Variants in UGT2B10 observed in about 807,000 individuals in gnomAD.
The protein encoded by UGT2B10 is UDP-glucuronosyltransferase 2B10.
In UGT2B10, 51 loss-of-function variants were observed where a neutral mutation model predicts 43.7. The ratio of observed to expected loss-of-function variants is 1.17; its 90% CI spans 0.93 to 1.47. The LOEUF (loss-of-function observed/expected upper bound fraction) is 1.47. UGT2B10 is among the 40% of genes most tolerant of loss of function. UGT2B10 has a pLI of 0.00. For synonymous variants in UGT2B10, 225 were observed against 209.0 expected (o/e 1.08, Z -0.66); for missense variants, 696 against 617.7 (o/e 1.13, Z -1.34).
At chr4:68,821,448 A>G (rs551390126) in intron 2 of UGT2B10, among the ~76,000 whole-genome samples, 1 of 152,138 alleles carries the variant, frequency 6.6e-6, no homozygotes, top group Non-Finnish European at 1.5e-5. Context: ...AGTTCCTCAC[A>G]TGCAGTTAGA....
intron 2 of UGT2B10, among the ~76,000 whole-genome samples, chr4:68,819,658 G>A (rs556870137): frequency 4.6e-5 from 7 of 152,010 alleles, no homozygotes; most frequent in South Asian, 4.2e-4. Flanking sequence ...GGGGGAACTC[G>A]TCTTGACATC....
Position 68,816,231 on chromosome 4 carries a change from T to A in UGT2B10, c.212T>A (p.Leu71His), listed in dbSNP as rs367563045. 32 of 1,613,154 alleles carry A rather than the reference T, an allele frequency of 2.0e-5. No individual in the cohort carries two copies. Among genetic ancestry groups the A allele is most frequent in the Non-Finnish European group, 2.7e-5 (32 of 1,179,474 alleles). The change falls in exon 1 of 6, where the codon CTT (leucine) becomes CAT (histidine). Residue 71 changes from leucine to histidine, a missense_variant. By Grantham distance (99) the Leu-to-His change is moderately conservative. Coordinates refer to ENST00000265403, the MANE Select transcript of UGT2B10 (RefSeq NM_001075.6). ...TTTGATCCCAACGACTCATCCACTCTTAAACTTGAAGTTTATCCTACATCT... is the reference window on the plus strand; with the variant it reads ...TTTGATCCCAACGACTCATCCACTCATAAACTTGAAGTTTATCCTACATCT... ...ILFDPNDSST[L>H]KLEVYPTSLT... is the part of the protein sequence containing the mutation.
At position 68,816,131 on chromosome 4, in the gene UGT2B10, A is replaced by G. The variant is rs1479600225; in HGVS notation, c.112A>G (p.Met38Val). 1.9e-6 allele frequency: 3 copies of G among 1,613,190 alleles called. No homozygotes were observed. Reference sequence around the variant, plus strand: ...CGCAGAATACAGCCTTTGGATGAATATGAAGACAATCCTGAAAGAACTTGT... The same window carrying G: ...CGCAGAATACAGCCTTTGGATGAATGTGAAGACAATCCTGAAAGAACTTGT... ...WAAEYSLWMNMKTILKELVQR... is the reference protein window; with the variant it reads ...WAAEYSLWMNVKTILKELVQR... Residue 38 changes from methionine to valine, a missense_variant, in exon 1 of 6, where the codon ATG becomes GTG. Physicochemically the swap from Met to Val is conservative, Grantham distance 21. Transcript: ENST00000265403.
In UGT2B10 at chr4:68,826,497, G is replaced by T. The variant is rs761612483; in HGVS notation, c.1087G>T (p.Gly363Cys). 5.0e-6 allele frequency: 8 copies of T among 1,611,320 alleles called. No homozygotes were observed. Among genetic ancestry groups the T allele is most frequent in the Non-Finnish European group, 6.8e-6 (8 of 1,178,662 alleles). Residue 363 changes from glycine (G) to cysteine (C), a missense_variant and splice_region_variant, in exon 4 of 6, where the codon GGT becomes TGT. Transcript: ENST00000265403. ...GTGGATACCCCAGAATGACCTTCTA[G>T]GTAACACTCTGGTGAACAATACTGG... Reference protein sequence around the residue: ...YKWIPQNDLLGHPKTRAFITH... With the variant: ...YKWIPQNDLLCHPKTRAFITH...
At chr4:68,826,028 C>T (rs1303225999) in intron 3 of UGT2B10, among the ~76,000 whole-genome samples, 2 of 152,080 alleles carry the variant, frequency 1.3e-5, no homozygotes, top group African/African-American at 4.8e-5. Flanking sequence ...TAATAATGGC[C>T]ATTCTGACTG....
intron 4 of UGT2B10, 25 bp downstream of exon 4, chr4:68,826,522 G>C: frequency 6.3e-7 from 1 of 1,598,914 alleles, no homozygotes; most frequent in Non-Finnish European, 8.5e-7. Flanking sequence ...AACAATACTG[G>C]ATATATTAGT....
intron 1 of UGT2B10, among the ~76,000 whole-genome samples, chr4:68,817,818 C>T (rs1398540215): frequency 6.6e-6 from 1 of 151,668 alleles, no homozygotes; most frequent in African/African-American, 2.4e-5. Context: ...TCATAATTCT[C>T]CCACTACTTT....
intron 2 of UGT2B10, among the ~76,000 whole-genome samples, chr4:68,818,967 A>C (rs143857470): frequency 0.017 from 2,623 of 152,002 alleles, 155 homozygotes; most frequent in Admixed American, 0.1. Context: ...CAAGATATTC[A>C]ATGGATTAAA....
chr4:68,816,213 C>A lies in UGT2B10; in HGVS notation c.194C>A (p.Pro65His), dbSNP rs1737190356. ...LASSASILFDPNDSSTLKLEV... is the reference protein window; with the variant it reads ...LASSASILFDHNDSSTLKLEV... Reference sequence around the variant, plus strand: ...TCTTCAGCTTCCATTCTTTTTGATCCCAACGACTCATCCACTCTTAAACTT... The same window carrying A: ...TCTTCAGCTTCCATTCTTTTTGATCACAACGACTCATCCACTCTTAAACTT... The change falls in exon 1 of 6, where the codon CCC (proline) becomes CAC (histidine). Residue 65 changes from proline (P) to histidine (H), a missense_variant. By Grantham distance (77) the Pro-to-His change is moderately conservative. Transcript: ENST00000265403. 6.2e-7 allele frequency: 1 copy of A among 1,613,150 alleles called. No individual in the cohort carries two copies. Among genetic ancestry groups the A allele is most frequent in the Non-Finnish European group, 8.5e-7 (1 of 1,179,402 alleles).
rs4116823 is a variant in UGT2B10, at chr4:68,828,890, G to T, written c.1307+1342G>T. ...ATCCAGCCATAGTGGAAGTAAGGGA[G>T]GTTATAAATACTATTACTAAAATAT... On this transcript the variant is annotated intron_variant, in intron 5 of 5. Transcript: ENST00000265403. Among the ~76,000 whole-genome samples the T allele has an allele frequency of 6.6e-3, 996 of 151,840 alleles. 16 individuals carry two copies. The highest frequency in any genetic ancestry group is 0.023 in the African/African-American group (935 of 41,406).
At chr4:68,817,273 C>T (rs1737261396) in intron 1 of UGT2B10, among the ~76,000 whole-genome samples, 1 of 151,668 alleles carries the variant, frequency 6.6e-6, no homozygotes, top group Admixed American at 6.6e-5. Context: ...TTTGAAGTTT[C>T]AAATGTTTCT....
chr4:68,817,356 A>G (rs1469427170), intron 1 of UGT2B10, among the ~76,000 whole-genome samples: 4 of 151,818 alleles, frequency 2.6e-5, no homozygotes, highest in African/African-American at 9.7e-5. Context: ...GAAGGTTGTT[A>G]TATCTATATA....
At chr4:68,826,646 A>G (rs1560419594) in intron 4 of UGT2B10, 149 bp downstream of exon 4, 1 of 1,013,992 alleles carries the variant, frequency 9.9e-7, no homozygotes, top group Non-Finnish European at 1.4e-6. Context: ...GGGGAAAAGA[A>G]TATGTTATAA....
chr4:68,827,405 T>C lies in UGT2B10; in HGVS notation c.1164T>C (p.Pro388=). The C allele has an allele frequency of 6.2e-7, 1 of 1,613,498 alleles. No individual in the cohort carries two copies. The highest frequency in any genetic ancestry group is 8.5e-7 in the Non-Finnish European group (1 of 1,179,600). The change falls in exon 5 of 6, where the codon CCT becomes CCC. Residue 388 remains proline, a synonymous_variant. Transcript: ENST00000265403. ...ATGAGGCAATCTACCATGGGATCCC[T>C]ATGGTGGGCATTCCATTGTTTTTTG... ...GIYEAIYHGI[P]MVGIPLFFDQ...
chr4:68,829,768 G>A (rs767371658), intron 5 of UGT2B10, among the ~76,000 whole-genome samples: 1 of 152,054 alleles, frequency 6.6e-6, no homozygotes, highest in Non-Finnish European at 1.5e-5. Context: ...AAGAAAAATA[G>A]TAGGCCAATC....
At chr4:68,817,465 A>G (rs1737273374) in intron 1 of UGT2B10, among the ~76,000 whole-genome samples, 1 of 151,750 alleles carries the variant, frequency 6.6e-6, no homozygotes, top group Non-Finnish European at 1.5e-5. Flanking sequence ...TTCTAGCTAT[A>G]ATTTACAAAT....
chr4:68,819,001 G>T (rs1044669327), intron 2 of UGT2B10, among the ~76,000 whole-genome samples: 1 of 151,856 alleles, frequency 6.6e-6, no homozygotes, highest in African/African-American at 2.4e-5. Flanking sequence ...AGACTGTAAA[G>T]ACCGAAACAT....
chr4:68,825,832 T>A (rs1737745331), intron 3 of UGT2B10, among the ~76,000 whole-genome samples: 2 of 152,098 alleles, frequency 1.3e-5, no homozygotes, highest in Non-Finnish European at 2.9e-5. Context: ...CAGAACAAGT[T>A]ATAGTCCTTT....
chr4:68,822,186 C>G, intron 2 of UGT2B10, 85 bp from the exon 3 acceptor site: 1 of 1,550,962 alleles, frequency 6.4e-7, no homozygotes, highest in Non-Finnish European at 8.7e-7. Flanking sequence ...GATTTTCTCT[C>G]TTTAATATTT....
Sources: allele counts gnomAD v4.1 joint callset (sites outside exome capture counted in the v4.1 genomes callset), GRCh38; gene constraint gnomAD v4.1.1; transcripts MANE v1.5; gene names NCBI Gene and HGNC (gene_info 2026-07-23, HGNC 2026-07-21).